Variants in SRRM4 observed in about 807,000 individuals in gnomAD.
SRRM4 encodes the protein serine/arginine repetitive matrix protein 4.
SRRM4 carries 33 observed loss-of-function variants against 68.9 expected under a neutral mutation model. That is an observed-to-expected ratio of 0.48 (90% CI 0.36 to 0.64). The LOEUF (loss-of-function observed/expected upper bound fraction) is 0.64, where lower values mean the gene tolerates loss of function less well. SRRM4 is among the 30% of genes least tolerant of loss of function. SRRM4 has a pLI of 0.00. For synonymous variants in SRRM4, 318 were observed against 318.8 expected (o/e 1.00, Z 0.03); for missense variants, 817 against 827.1 (o/e 0.99, Z 0.15).
At chr12:119,015,842 T>C (rs77806067) in intron 1 of SRRM4, among the ~76,000 whole-genome samples, 5,492 of 152,138 alleles carry the variant, frequency 0.036, 373 homozygotes, top group African/African-American at 0.13. Context: ...TCCTCCTCAT[T>C]CTTCATATTT....
At chr12:119,077,736 G>T (rs1413520636) in intron 1 of SRRM4, among the ~76,000 whole-genome samples, 6 of 152,084 alleles carry the variant, frequency 3.9e-5, no homozygotes, top group African/African-American at 1.2e-4. Flanking sequence ...AAAGCTCTTA[G>T]TACCCTATCT....
At chr12:119,030,913 T>C (rs1284970515) in intron 1 of SRRM4, 1 of 152,242 alleles carries the variant, frequency 6.6e-6, no homozygotes, top group Non-Finnish European at 1.5e-5. Context: ...CCAAATGTTC[T>C]CAATTATTAA....
At chr12:119,122,272 AAGGC>A (rs1954224912) in intron 6 of SRRM4, among the ~76,000 whole-genome samples, 152 bp downstream of exon 6, 7 of 91,992 alleles carry the variant, frequency 7.6e-5, no homozygotes, top group Admixed American at 2.4e-4. Flanking sequence ...GGAAGGCAGG[AAGGC>A]AGGAAGGCAG....
intron 1 of SRRM4, among the ~76,000 whole-genome samples, chr12:119,030,243 G>A (rs976521044): frequency 1.3e-5 from 2 of 152,204 alleles, no homozygotes; most frequent in Admixed American, 1.3e-4. Context: ...AAAGAACCAA[G>A]GGTATGACAC....
rs56030105 is a variant in SRRM4 at position 119,122,292 on chromosome 12, C to CAGGAAGGAAGGAAGGAAGGA, written c.515+200_515+219dup. ...GCAGGAAGGCAGGAAGGCAGGAAGGCAGGAAGGAAGGAAGGAAGGAAGGAA... is the reference window on the plus strand; with the variant it reads ...GCAGGAAGGCAGGAAGGCAGGAAGGCAGGAAGGAAGGAAGGAAGGAAGGAAGGAAGGAAGGAAGGAAGGAA... On this transcript the variant is annotated intron_variant, in intron 6 of 12. Coordinates refer to ENST00000267260, the MANE Select transcript of SRRM4 (RefSeq NM_194286.4). 2.7e-4 allele frequency among the ~76,000 whole-genome samples: 19 copies of CAGGAAGGAAGGAAGGAAGGA among 69,726 alleles called. 1 individual carries two copies. Among genetic ancestry groups the CAGGAAGGAAGGAAGGAAGGA allele is most frequent in the East Asian group, 1.6e-3 (4 of 2,448 alleles). 45.7% of individuals were successfully genotyped at this position (69,726 alleles called of 152,430 possible).
In SRRM4 at chr12:119,030,037, C is replaced by T. The variant is rs116042329; in HGVS notation, c.131+48024C>T. Among the ~76,000 whole-genome samples the T allele has an allele frequency of 4.8e-3, 733 of 152,304 alleles. 5 individuals are homozygous for T. The highest frequency in any genetic ancestry group is 0.017 in the African/African-American group (720 of 41,556). The stretch of plus-strand genomic sequence containing the variant: ...TTCTTGACTAAGCTGGGGAACGTTT[C>T]AGCTTTCTAATAGGGTTATTAGCTG... On this transcript the variant is annotated intron_variant, in intron 1 of 12. Transcript: ENST00000267260.
At chr12:119,121,812 T>A (rs4767786) in intron 5 of SRRM4, among the ~76,000 whole-genome samples, 3,609 of 152,298 alleles carry the variant, frequency 0.024, 99 homozygotes, top group Admixed American at 0.079. Flanking sequence ...CTACCTTTAT[T>A]GCTGCCATTA....
At position 119,130,770 on chromosome 12, in the gene SRRM4, C is replaced by G; in HGVS notation, c.707C>G (p.Ala236Gly). Residue 236 changes from alanine to glycine, a missense_variant, in exon 8 of 13, where the codon GCC becomes GGC. Transcript: ENST00000267260. ...ACCCTCTGCAAGGACAGCCCTGAGGCCCAGTCCAGTCGCCCGCCCAGTCAA... is the reference window on the plus strand; with the variant it reads ...ACCCTCTGCAAGGACAGCCCTGAGGGCCAGTCCAGTCGCCCGCCCAGTCAA... ...SKTLCKDSPE[A>G]QSSRPPSQPL... 1 of 1,610,244 alleles carries G rather than the reference C, an allele frequency of 6.2e-7. No individual in the cohort carries two copies. Among genetic ancestry groups the G allele is most frequent in the African/African-American group, 1.3e-5 (1 of 75,040 alleles).
At chr12:118,990,083 T>C (rs1205992704) in intron 1 of SRRM4, 1 of 152,214 alleles carries the variant, frequency 6.6e-6, no homozygotes, top group African/African-American at 2.4e-5. Context: ...TCTGTACTTA[T>C]AATAATTCCA....
intron 1 of SRRM4, among the ~76,000 whole-genome samples, chr12:118,988,381 G>A (rs561740324): frequency 2.0e-5 from 3 of 152,324 alleles, no homozygotes; most frequent in African/African-American, 7.2e-5. Context: ...TGGGGGAATA[G>A]TCAACGCTAG....
At chr12:119,052,677 C>T (rs1213853537) in intron 1 of SRRM4, among the ~76,000 whole-genome samples, 3 of 152,160 alleles carry the variant, frequency 2.0e-5, no homozygotes, top group Admixed American at 6.5e-5. Context: ...TACAGGCACC[C>T]GCCACCACCC....
At chr12:119,122,032 T>G in intron 5 of SRRM4, 38 bp from the exon 6 acceptor site, 1 of 1,403,074 alleles carries the variant, frequency 7.1e-7, no homozygotes, top group Non-Finnish European at 1.0e-6. Flanking sequence ...TTAACTAGAA[T>G]TTTGCATCTT....
intron 3 of SRRM4, among the ~76,000 whole-genome samples, chr12:119,114,929 G>A (rs191296145): frequency 1.6e-3 from 237 of 151,982 alleles, no homozygotes; most frequent in South Asian, 4.0e-3. Context: ...CTTCCAAAGT[G>A]CTGGGGTTAC....
chr12:119,053,470 AC>A (rs1346032939), intron 1 of SRRM4, among the ~76,000 whole-genome samples: 1 of 152,184 alleles, frequency 6.6e-6, no homozygotes, highest in African/African-American at 2.4e-5. Context: ...GAGGAAGGAA[AC>A]CTAGGTTAAG....
At chr12:119,099,878 G>A (rs536238525) in intron 1 of SRRM4, among the ~76,000 whole-genome samples, 1 of 152,294 alleles carries the variant, frequency 6.6e-6, no homozygotes, top group Admixed American at 6.5e-5. Flanking sequence ...GAAGGCAGAA[G>A]CTACCTTTTG....
At chr12:119,137,821 G>A (rs1027951156) in intron 8 of SRRM4, among the ~76,000 whole-genome samples, 1 of 152,146 alleles carries the variant, frequency 6.6e-6, no homozygotes, top group Non-Finnish European at 1.5e-5. Flanking sequence ...CTGATGTCTG[G>A]ATATGGTTTA....
intron 1 of SRRM4, among the ~76,000 whole-genome samples, chr12:119,072,274 G>A (rs956186): frequency 0.57 from 86,182 of 151,928 alleles, 25,482 homozygotes; most frequent in Middle Eastern, 0.74. Flanking sequence ...TCAAGTAGAA[G>A]CCAGACTTAT....
chr12:119,017,112 A>T (rs761355982), intron 1 of SRRM4, among the ~76,000 whole-genome samples: 2 of 152,258 alleles, frequency 1.3e-5, no homozygotes, highest in Non-Finnish European at 2.9e-5. Context: ...ATATCACCAC[A>T]GCCTAGTCTA....
In SRRM4 at chr12:119,085,957, T is replaced by C. The variant is rs77349552; in HGVS notation, c.132-16279T>C. On this transcript the variant is annotated intron_variant, in intron 1 of 12. Coordinates refer to ENST00000267260, the MANE Select transcript of SRRM4 (RefSeq NM_194286.4). Reference sequence around the variant, plus strand: ...AGGCAGGTAACACGTTGACGTTTGGTCACATTAAGTTTGAGGTGCCTGTGG... The same window carrying C: ...AGGCAGGTAACACGTTGACGTTTGGCCACATTAAGTTTGAGGTGCCTGTGG... Among the ~76,000 whole-genome samples the C allele has an allele frequency of 2.3e-3, 350 of 152,208 alleles. 3 individuals are homozygous for C. The highest frequency in any genetic ancestry group is 8.0e-3 in the African/African-American group (332 of 41,528).
Sources: allele counts gnomAD v4.1 joint callset (sites outside exome capture counted in the v4.1 genomes callset), GRCh38; gene constraint gnomAD v4.1.1; transcripts MANE v1.5; gene names NCBI Gene and HGNC (gene_info 2026-07-23, HGNC 2026-07-21).